CACNA1S: variants seen among roughly 807,000 people sequenced by gnomAD.
CACNA1S encodes the protein calcium voltage-gated channel subunit alpha1 S, also known as voltage-dependent L-type calcium channel subunit alpha-1S.
Under a neutral mutation model 207.4 loss-of-function variants are expected in CACNA1S, and 126 were observed. The observed-to-expected ratio is 0.61, with a 90% CI of 0.53 to 0.70. The LOEUF (loss-of-function observed/expected upper bound fraction) is 0.70. CACNA1S is among the 30% of genes least tolerant of loss of function. The probability of loss-of-function intolerance (pLI) is 0.00; values close to 1 mark genes in which losing one functional copy is unlikely to be tolerated. For synonymous variants in CACNA1S, 960 were observed against 932.7 expected (o/e 1.03, Z -0.53); for missense variants, 2,349 against 2,422.8 (o/e 0.97, Z 0.64).
chr1:201,061,368 T>C lies in CACNA1S; in HGVS notation c.3154A>G (p.Ile1052Val), dbSNP rs1230019805. ...AAGATGTTCATCATGAAGAAGGCAA[T>C]GAGGATGATGTAGATGATGAAGAAG... ...AIFFIIYIILIAFFMMNIFVG... is the reference protein window; with the variant it reads ...AIFFIIYIILVAFFMMNIFVG... The change falls in exon 25 of 44, where the codon ATT (isoleucine) becomes GTT (valine). Residue 1052 changes from isoleucine to valine, a missense_variant. Transcript: ENST00000362061. 1.2e-6 allele frequency: 2 copies of C among 1,614,146 alleles called. No individual in the cohort carries two copies. Among genetic ancestry groups the C allele is most frequent in the Non-Finnish European group, 1.7e-6 (2 of 1,180,032 alleles).
rs757833719 is a variant in CACNA1S, at chr1:201,083,216, G to C, written c.1339C>G (p.Leu447Val). 27 of 1,614,216 alleles carry C rather than the reference G, an allele frequency of 1.7e-5. No homozygotes were observed. In the South Asian group the frequency reaches 3.0e-4, roughly 18 times the overall value. ...TTGTGGTGCTCTGAGGCGATAGACA[G>C]GGTGTTGAGGGCAACGATGAGAATC... Reference protein sequence around the residue: ...LVILIVALNTLSIASEHHNQP... With the variant: ...LVILIVALNTVSIASEHHNQP... The change falls in exon 10 of 44, where the codon CTG becomes GTG. Residue 447 changes from leucine to valine, a missense_variant. Physicochemically the swap from Leu to Val is conservative, Grantham distance 32 (BLOSUM62 1). Coordinates refer to ENST00000362061, the MANE Select transcript of CACNA1S (RefSeq NM_000069.3).
At position 201,077,069 on chromosome 1, in the gene CACNA1S, C is replaced by A. The variant is rs763794604; in HGVS notation, c.1678G>T (p.Ala560Ser). Residue 560 changes from alanine (A) to serine (S), a missense_variant, in exon 12 of 44, where the codon GCC becomes TCC. Coordinates refer to ENST00000362061, the MANE Select transcript of CACNA1S (RefSeq NM_000069.3). ...AGGAAGAGCAGCAGCAGCAGGGAGG[C>A]GATGGAGCGGATGGAGTTGAGCAGG... ...ASLLNSIRSI[A>S]SLLLLLFLFI... The A allele has an allele frequency of 2.5e-6, 4 of 1,614,164 alleles. No individual in the cohort carries two copies. Among genetic ancestry groups the A allele is most frequent in the Non-Finnish European group, 3.4e-6 (4 of 1,180,026 alleles).
chr1:201,068,229 CTCTTTTT>C (rs1661316807), intron 19 of CACNA1S, among the ~76,000 whole-genome samples: 2 of 123,166 alleles, frequency 1.6e-5, no homozygotes, highest in African/African-American at 6.5e-5. Flanking sequence ...CCCGGCTCTG[CTCTTTTT>C]TTTTTTTTTT....
At chr1:201,050,566 G>A in intron 33 of CACNA1S, 50 bp from the exon 34 acceptor site, 1 of 1,611,438 alleles carries the variant, frequency 6.2e-7, no homozygotes, top group Non-Finnish European at 8.5e-7. Context: ...AGGTGGTACA[G>A]GGTTAGGGTG....
In CACNA1S at chr1:201,053,529, C is replaced by T. The variant is rs750637537; in HGVS notation, c.3725G>A (p.Arg1242Lys). 4 of 1,614,042 alleles carry T rather than the reference C, an allele frequency of 2.5e-6. No individual in the cohort carries two copies. The highest frequency in any genetic ancestry group is 2.2e-5 in the South Asian group (2 of 91,088). ...SAFFRLFRVM[R>K]LIKLLSRAEG... The stretch of plus-strand genomic sequence containing the variant: ...TGCCCGGCTCAGCAGCTTGATCAGC[C>T]TCATGACACGGAACAGGCGGAAGAA... The change falls in exon 30 of 44, where the codon AGG (arginine) becomes AAG (lysine). Residue 1242 changes from arginine (R) to lysine (K), a missense_variant. By Grantham distance (26) the Arg-to-Lys change is conservative (BLOSUM62 2). Transcript: ENST00000362061. This position sits in a 1 kb window ranked among gnomAD's most constrained non-coding sequence, Gnocchi z 5.1.
At chr1:201,076,089 A>G (rs1661605294) in intron 12 of CACNA1S, among the ~76,000 whole-genome samples, 2 of 152,124 alleles carry the variant, frequency 1.3e-5, no homozygotes, top group South Asian at 4.1e-4. Flanking sequence ...CAAAACCCCT[A>G]TCCCAGTGAT....
chr1:201,041,702 A>G (rs1281150726), intron 40 of CACNA1S, 113 bp from the exon 41 acceptor site: 2 of 788,686 alleles, frequency 2.5e-6, no homozygotes, highest in Non-Finnish European at 4.4e-6. Flanking sequence ...AGGCCAACCT[A>G]GTGTAGCAGC....
In CACNA1S at chr1:201,075,548, T is replaced by C; in HGVS notation, c.1895A>G (p.Tyr632Cys). ...GTAAATGCACACAAGCATGCCAGGG[T>C]AGGACGGCCCGCCGTAGGCCATGAT... Reference protein sequence around the residue: ...NGIMAYGGPSYPGMLVCIYFI... With the variant: ...NGIMAYGGPSCPGMLVCIYFI... Residue 632 changes from tyrosine to cysteine, a missense_variant, in exon 13 of 44, where the codon TAC (tyrosine) becomes TGC (cysteine). By Grantham distance (194) the Tyr-to-Cys change is radical (BLOSUM62 -2). Coordinates refer to ENST00000362061, the MANE Select transcript of CACNA1S (RefSeq NM_000069.3). The C allele has an allele frequency of 6.2e-7, 1 of 1,610,952 alleles. No homozygotes were observed. The highest frequency in any genetic ancestry group is 8.5e-7 in the Non-Finnish European group (1 of 1,179,720).
intron 16 of CACNA1S, among the ~76,000 whole-genome samples, chr1:201,071,803 G>T (rs1661443034): frequency 6.6e-6 from 1 of 152,204 alleles, no homozygotes; most frequent in Non-Finnish European, 1.5e-5. Flanking sequence ...GTAGATATTT[G>T]AAGAAATTTC....
chr1:201,102,596 G>A (rs189925369), intron 2 of CACNA1S, among the ~76,000 whole-genome samples: 22 of 152,230 alleles, frequency 1.4e-4, no homozygotes, highest in Non-Finnish European at 2.5e-4. Flanking sequence ...CAGTCTGTGC[G>A]GAGCAGTCCA....
chr1:201,062,169 G>T, intron 23 of CACNA1S, 79 bp from the exon 24 acceptor site: 1 of 1,550,542 alleles, frequency 6.4e-7, no homozygotes, highest in Non-Finnish European at 8.8e-7. Flanking sequence ...GGCCCTGGGT[G>T]GGGAGTGTGA....
rs1661490158 is a variant in CACNA1S at position 201,073,455 on chromosome 1, C to G, written c.2157+94G>C. The stretch of plus-strand genomic sequence containing the variant: ...CCTGGCTGATAACTCTCCTACCTCC[C>G]CACCCTACCCCACCTGTACCCTGTG... On this transcript the variant is annotated intron_variant, in intron 15 of 43. Coordinates refer to ENST00000362061, the MANE Select transcript of CACNA1S (RefSeq NM_000069.3). The G allele has an allele frequency of 2.9e-6, 3 of 1,049,878 alleles. No individual in the cohort carries two copies. In the African/African-American group the frequency reaches 4.7e-5, roughly 16 times the overall value. 65.0% of individuals were successfully genotyped at this position (1,049,878 alleles called of 1,614,324 possible). A position where few individuals can be genotyped will look rare whatever the true frequency, so the allele number is the denominator to read the frequency against.
intron 22 of CACNA1S, among the ~76,000 whole-genome samples, chr1:201,064,539 T>TTGAA (rs1316523484): frequency 6.6e-6 from 1 of 152,232 alleles, no homozygotes; most frequent in Non-Finnish European, 1.5e-5. Flanking sequence ...TACATGTTTG[T>TTGAA]TGAATGAATG....
At chr1:201,050,066 C>T in intron 34 of CACNA1S, among the ~76,000 whole-genome samples, 1 of 152,194 alleles carries the variant, frequency 6.6e-6, no homozygotes, top group East Asian at 1.9e-4. Flanking sequence ...TTTAATCAAG[C>T]TCAGCTTCTG....
intron 27 of CACNA1S, among the ~76,000 whole-genome samples, chr1:201,058,813 A>C (rs1368347474): frequency 6.6e-6 from 1 of 152,144 alleles, no homozygotes; most frequent in African/African-American, 2.4e-5. Context: ...TGAACATCCT[A>C]TCTGGGGCTT....
intron 28 of CACNA1S, among the ~76,000 whole-genome samples, chr1:201,057,884 C>G (rs1291177887): frequency 2.0e-5 from 3 of 152,226 alleles, no homozygotes; most frequent in Non-Finnish European, 2.9e-5. Context: ...CTTCCCACTG[C>G]CTGCTCCATA....
At chr1:201,092,431 C>G (rs1293868617) in intron 3 of CACNA1S, among the ~76,000 whole-genome samples, 1 of 152,096 alleles carries the variant, frequency 6.6e-6, no homozygotes, top group African/African-American at 2.4e-5. Context: ...CTGAGTACCC[C>G]CAACACGGGC....
chr1:201,060,725 G>T lies in CACNA1S; in HGVS notation c.3347C>A (p.Thr1116Asn), dbSNP rs773041945. 6.2e-7 allele frequency: 1 copy of T among 1,614,192 alleles called. No individual in the cohort carries two copies. Among genetic ancestry groups the T allele is most frequent in the South Asian group, 1.1e-5 (1 of 91,080 alleles). ...PYQYQVWYIV[T>N]SSYFEYLMFA... ...CATCAGGTATTCAAAGTAGGAGGAG[G>T]TGACAATGTACCACACCTGGTACTG... Residue 1116 changes from threonine to asparagine, a missense_variant, in exon 26 of 44, where the codon ACC (threonine) becomes AAC (asparagine). Physicochemically the swap from Thr to Asn is moderately conservative, Grantham distance 65. Transcript: ENST00000362061.
chr1:201,053,659 G>A lies in CACNA1S; in HGVS notation c.3667-72C>T, dbSNP rs1660737314. 1 of 1,461,804 alleles carries A rather than the reference G, an allele frequency of 6.8e-7. No individual in the cohort carries two copies. Among genetic ancestry groups the A allele is most frequent in the Non-Finnish European group, 9.5e-7 (1 of 1,047,168 alleles). The allele number at this position is 1,461,804 out of a possible 1,614,324, so 90.6% of individuals were successfully genotyped here. ...AGGGGTAAGGGGCAGGGCGGGGAGG[G>A]AGGTGCACTGTGTGTTTTGGGGAGA... On this transcript the variant is annotated intron_variant, in intron 29 of 43. Transcript: ENST00000362061. The surrounding 1 kb of genome is among the most constrained non-coding windows in gnomAD (Gnocchi z 5.1).
Sources: allele counts gnomAD v4.1 joint callset (sites outside exome capture counted in the v4.1 genomes callset), GRCh38; gene constraint gnomAD v4.1.1; non-coding constraint Gnocchi (gnomAD v3.1); transcripts MANE v1.5; gene names NCBI Gene and HGNC (gene_info 2026-07-23, HGNC 2026-07-21).